The following IL1RAPL1 variants were observed in gnomAD, a reference collection of about 807,000 sequenced individuals.
The protein encoded by IL1RAPL1 is interleukin 1 receptor accessory protein like 1, also known as interleukin-1 receptor accessory protein-like 1.
A neutral mutation model predicts 48.4 loss-of-function variants in IL1RAPL1; 3 were observed. The ratio of observed to expected loss-of-function variants is 0.06; its 90% CI spans 0.03 to 0.16. IL1RAPL1 has a LOEUF of 0.16. Ranked by LOEUF, IL1RAPL1 falls within the 10% of genes least tolerant of loss-of-function variation. The probability of loss-of-function intolerance (pLI) is 1.00; values close to 1 mark genes in which losing one functional copy is unlikely to be tolerated. For missense variants in IL1RAPL1, 349 were observed against 530.6 expected, an observed-to-expected ratio of 0.66 and a Z score of 3.36; for synonymous variants, 185 against 187.7, an observed-to-expected ratio of 0.99 and a Z score of 0.12.
intron 2 of IL1RAPL1, among the ~76,000 whole-genome samples, chrX:28,818,942 C>T (rs5985917): frequency 0.072 from 7,889 of 110,316 alleles, 651 homozygotes; most frequent in African/African-American, 0.25. Context: ...CTGTGTTATT[C>T]ATATTGGGGA....
intron 2 of IL1RAPL1, among the ~76,000 whole-genome samples, chrX:28,816,438 A>T (rs931224688): frequency 9.1e-6 from 1 of 109,961 alleles, no homozygotes; most frequent in African/African-American, 3.3e-5. Flanking sequence ...TTTTGTTGCC[A>T]TCTTTATGTT....
chrX:29,756,731 A>G (rs1928629484), intron 6 of IL1RAPL1, among the ~76,000 whole-genome samples: 1 of 112,206 alleles, frequency 8.9e-6, no homozygotes, highest in Non-Finnish European at 1.9e-5. Flanking sequence ...CACTTTTATA[A>G]TCTGTTATGG....
chrX:29,013,562 G>T (rs1926173786), intron 2 of IL1RAPL1, among the ~76,000 whole-genome samples: 1 of 111,896 alleles, frequency 8.9e-6, no homozygotes, highest in South Asian at 3.7e-4. Flanking sequence ...CATGTCCTTT[G>T]CTGGGACATA....
intron 1 of IL1RAPL1, among the ~76,000 whole-genome samples, chrX:28,718,127 T>C (rs781262720): frequency 1.8e-5 from 2 of 111,713 alleles, no homozygotes; most frequent in African/African-American, 6.5e-5. Flanking sequence ...CATTCATTAC[T>C]TTAATCTGTT....
intron 2 of IL1RAPL1, among the ~76,000 whole-genome samples, chrX:28,917,303 C>A (rs1351895974): frequency 9.0e-6 from 1 of 111,687 alleles, no homozygotes; most frequent in Admixed American, 9.6e-5. Flanking sequence ...AAATATTGTA[C>A]AACTCATTTA....
At chrX:29,499,143 G>A (rs1935245778) in intron 5 of IL1RAPL1, among the ~76,000 whole-genome samples, 1 of 112,315 alleles carries the variant, frequency 8.9e-6, no homozygotes, top group Admixed American at 9.4e-5. Context: ...TTTTGTGTGT[G>A]AATATAATGC....
chrX:28,663,924 G>T (rs900944205), intron 1 of IL1RAPL1, among the ~76,000 whole-genome samples: 1 of 112,146 alleles, frequency 8.9e-6, no homozygotes, highest in East Asian at 2.8e-4. Context: ...TGTAACATTA[G>T]CAGTTTAGCA....
chrX:28,747,147 T>C (rs1462365690), intron 1 of IL1RAPL1, among the ~76,000 whole-genome samples: 2 of 111,297 alleles, frequency 1.8e-5, no homozygotes, highest in African/African-American at 6.5e-5. Flanking sequence ...TTTCATGTTA[T>C]TGTTGCCTGA....
intron 5 of IL1RAPL1, among the ~76,000 whole-genome samples, chrX:29,580,136 CTTTT>C (rs762760607): frequency 2.1e-5 from 2 of 93,218 alleles, no homozygotes; most frequent in Admixed American, 1.2e-4. Context: ...CTCAGAAAGT[CTTTT>C]TTTTTTTTTT....
chrX:29,265,803 A>G (rs929585744), intron 2 of IL1RAPL1, among the ~76,000 whole-genome samples: 1 of 109,593 alleles, frequency 9.1e-6, no homozygotes, highest in African/African-American at 3.3e-5. Context: ...ACATGAACTC[A>G]TCATTTTTTA....
At chrX:29,786,450 T>C (rs1317394164) in intron 6 of IL1RAPL1, among the ~76,000 whole-genome samples, 1 of 111,498 alleles carries the variant, frequency 9.0e-6, no homozygotes, top group Non-Finnish European at 1.9e-5. Context: ...ATTTGTATGA[T>C]AAGTGTGGAA....
chrX:29,149,306 A>T (rs1569246586), intron 2 of IL1RAPL1, among the ~76,000 whole-genome samples: 2 of 111,083 alleles, frequency 1.8e-5, no homozygotes, highest in African/African-American at 6.5e-5. Flanking sequence ...CCTCTCAAAG[A>T]TCCGTATCTT....
At chrX:29,742,175 A>G (rs935657139) in intron 6 of IL1RAPL1, among the ~76,000 whole-genome samples, 5 of 111,031 alleles carry the variant, frequency 4.5e-5, no homozygotes, top group Admixed American at 1.9e-4. Flanking sequence ...AGGCTATGTA[A>G]ATATTATTTG....
chrX:29,015,774 A>G (rs1304015965), intron 2 of IL1RAPL1, among the ~76,000 whole-genome samples: 1 of 110,981 alleles, frequency 9.0e-6, no homozygotes, highest in African/African-American at 3.3e-5. Flanking sequence ...TTGTACTCAG[A>G]AAAAAAAAGT....
At chrX:29,413,866 A>T (rs1934179968) in intron 5 of IL1RAPL1, among the ~76,000 whole-genome samples, 1 of 109,762 alleles carries the variant, frequency 9.1e-6, no homozygotes, top group African/African-American at 3.3e-5. Context: ...GTGCATTTCT[A>T]CCTTTGATAT....
chrX:29,354,116 C>T (rs1054998640), intron 3 of IL1RAPL1, among the ~76,000 whole-genome samples: 5 of 110,554 alleles, frequency 4.5e-5, no homozygotes, highest in Non-Finnish European at 9.5e-5. Context: ...TTGTCAGATA[C>T]TGTTATTATT....
intron 5 of IL1RAPL1, among the ~76,000 whole-genome samples, chrX:29,434,695 G>GA (rs1390107491): frequency 9.0e-6 from 1 of 110,901 alleles, no homozygotes; most frequent in African/African-American, 3.3e-5. Context: ...TTTTTGTTGA[G>GA]AATCATCGAT....
chrX:29,937,660 T>G (rs1261923243), intron 8 of IL1RAPL1, among the ~76,000 whole-genome samples: 1 of 111,761 alleles, frequency 8.9e-6, no homozygotes, highest in Non-Finnish European at 1.9e-5. Context: ...TATATTACAC[T>G]CCTGCATAGA....
intron 1 of IL1RAPL1, among the ~76,000 whole-genome samples, chrX:28,743,823 A>G (rs909242269): frequency 3.6e-5 from 4 of 111,210 alleles, no homozygotes; most frequent in African/African-American, 1.3e-4. Context: ...AAGCTAATTA[A>G]TCAAATCCTC....
Sources: gnomAD v4.1 joint callset for allele counts (sites outside exome capture counted in the v4.1 genomes callset) on GRCh38, gnomAD v4.1.1 for gene constraint, MANE v1.5 for transcripts, NCBI Gene and HGNC (gene_info 2026-07-23, HGNC 2026-07-21) for gene names.